MAML3: variants seen among roughly 807,000 people sequenced by gnomAD.
MAML3 encodes the protein mastermind-like protein 3.
MAML3 carries 27 observed loss-of-function variants against 101.9 expected under a neutral mutation model. The ratio of observed to expected loss-of-function variants is 0.27; its 90% confidence interval spans 0.20 to 0.37. The LOEUF is 0.37. Among genes scored for constraint, MAML3 ranks in the 10% least tolerant of loss-of-function variants. The probability of loss-of-function intolerance (pLI) is 1.00; values close to 1 mark genes in which losing one functional copy is unlikely to be tolerated. For synonymous variants in MAML3, 501 were observed against 555.9 expected, an observed-to-expected ratio of 0.90 and a Z score of 1.39; for missense variants, 1,316 against 1,444.9, an observed-to-expected ratio of 0.91 and a Z score of 1.45.
chr4:139,853,925 G>T (rs777921723), intron 2 of MAML3, among the ~76,000 whole-genome samples: 1 of 151,852 alleles, frequency 6.6e-6, no homozygotes. Flanking sequence ...GGGTTCAAGC[G>T]ATTCTCTTGC....
chr4:140,072,068 G>A (rs1331030014), intron 1 of MAML3, among the ~76,000 whole-genome samples: 2 of 152,076 alleles, frequency 1.3e-5, no homozygotes, highest in Non-Finnish European at 2.9e-5. Flanking sequence ...GACACTTCCG[G>A]CTTTCATTCC....
intron 1 of MAML3, among the ~76,000 whole-genome samples, chr4:139,975,470 A>G (rs1326482225): frequency 6.6e-6 from 1 of 151,470 alleles, no homozygotes; most frequent in Non-Finnish European, 1.5e-5. Flanking sequence ...CACCCCATAT[A>G]CCTCCTTATC....
rs574143174 is a variant in MAML3 at position 140,106,965 on chromosome 4, G to T, written c.468+45895C>A. Among the ~76,000 whole-genome samples, 4 of 152,058 alleles carry T rather than the reference G, an allele frequency of 2.6e-5. No individual in the cohort carries two copies. The East Asian group carries it at 7.7e-4, about 29-fold the overall frequency. ...GGCTCACTGCAACCTCTGCCTCCTG[G>T]GTTCAAGCGATTCTCCAGCCTCAGT... On this transcript the variant is annotated intron_variant, in intron 1 of 4. Coordinates refer to ENST00000509479, the MANE Select transcript of MAML3 (RefSeq NM_018717.5).
intron 2 of MAML3, among the ~76,000 whole-genome samples, chr4:139,821,679 G>C (rs547195410): frequency 3.3e-5 from 5 of 152,244 alleles, no homozygotes; most frequent in South Asian, 2.1e-4. Context: ...GCTGGCCTAG[G>C]CTTCCTGGCC....
intron 4 of MAML3, among the ~76,000 whole-genome samples, chr4:139,724,755 C>T (rs930647447): frequency 6.7e-6 from 1 of 150,048 alleles, no homozygotes; most frequent in Non-Finnish European, 1.5e-5. Flanking sequence ...TTCTTCACCC[C>T]ATATAAGACC....
intron 2 of MAML3, among the ~76,000 whole-genome samples, chr4:139,885,122 C>T (rs116269122): frequency 0.017 from 2,622 of 152,248 alleles, 77 homozygotes; most frequent in African/African-American, 0.059. Context: ...ATACTCAGGC[C>T]GGGTGCGGTG....
chr4:140,136,860 A>G (rs897619469), intron 1 of MAML3, among the ~76,000 whole-genome samples: 3 of 152,152 alleles, frequency 2.0e-5, no homozygotes, highest in Non-Finnish European at 4.4e-5. Context: ...GTTAAAGTTA[A>G]AGGGCTATGT....
chr4:140,087,369 AT>A (rs1049736968), intron 1 of MAML3, among the ~76,000 whole-genome samples: 1 of 152,198 alleles, frequency 6.6e-6, no homozygotes, highest in African/African-American at 2.4e-5. Flanking sequence ...ACGAAGCAAT[AT>A]TTGCCTTGAC....
chr4:139,756,983 C>T (rs1384674898), intron 2 of MAML3, among the ~76,000 whole-genome samples: 2 of 152,106 alleles, frequency 1.3e-5, no homozygotes, highest in Admixed American at 6.6e-5. Context: ...CACCGTAGAA[C>T]CAGAAGGAAA....
chr4:139,973,189 G>A (rs1029187614), intron 1 of MAML3, among the ~76,000 whole-genome samples: 1 of 152,182 alleles, frequency 6.6e-6, no homozygotes, highest in Non-Finnish European at 1.5e-5. Context: ...GGTCAACTAA[G>A]TTAAGTGACC....
intron 1 of MAML3, among the ~76,000 whole-genome samples, chr4:139,987,201 C>A (rs780816325): frequency 3.1e-4 from 47 of 152,136 alleles, no homozygotes; most frequent in Non-Finnish European, 5.4e-4. Context: ...TTAAAACAAG[C>A]AATAGTATCC....
chr4:139,758,950 A>G (rs150563227), intron 2 of MAML3, among the ~76,000 whole-genome samples: 1 of 152,238 alleles, frequency 6.6e-6, no homozygotes, highest in Non-Finnish European at 1.5e-5. Context: ...TCTCTTGATG[A>G]GAATCTACAA....
rs375226513 is a variant in MAML3 at position 139,853,971 on chromosome 4, G to A, written c.2079+35386C>T. On this transcript the variant is annotated intron_variant, in intron 2 of 4. Transcript: ENST00000509479. Reference sequence around the variant, plus strand: ...TGAGTAGCTGGGATTACAGGCATGCGCCATCATGCCCAGCTAATTTTTTTG... The same window carrying A: ...TGAGTAGCTGGGATTACAGGCATGCACCATCATGCCCAGCTAATTTTTTTG... Among the ~76,000 whole-genome samples, 21 of 151,988 alleles carry A rather than the reference G, an allele frequency of 1.4e-4. No homozygotes were observed. The South Asian group carries it at 2.7e-3, about 20-fold the overall frequency.
intron 1 of MAML3, among the ~76,000 whole-genome samples, chr4:140,012,932 A>G (rs1726586693): frequency 6.6e-6 from 1 of 152,206 alleles, no homozygotes; most frequent in Non-Finnish European, 1.5e-5. Context: ...AGCACACAAT[A>G]TACCCTGAGC....
chr4:139,810,815 T>A (rs572124369), intron 2 of MAML3, among the ~76,000 whole-genome samples: 10 of 152,332 alleles, frequency 6.6e-5, no homozygotes, highest in Middle Eastern at 6.8e-3. Context: ...TTCTCTTCAG[T>A]AGAATCCTGA....
At chr4:140,046,178 G>T (rs1442166157) in intron 1 of MAML3, among the ~76,000 whole-genome samples, 1 of 152,178 alleles carries the variant, frequency 6.6e-6, no homozygotes, top group African/African-American at 2.4e-5. Flanking sequence ...TGACAAATAA[G>T]TTGTGAGCAG....
At chr4:139,832,264 C>T (rs1373832774) in intron 2 of MAML3, among the ~76,000 whole-genome samples, 1 of 150,352 alleles carries the variant, frequency 6.7e-6, no homozygotes, top group Non-Finnish European at 1.5e-5. Flanking sequence ...GCCACTACGC[C>T]CAGCTATTTT....
chr4:139,746,780 T>C (rs1729337762), intron 2 of MAML3, among the ~76,000 whole-genome samples: 1 of 152,172 alleles, frequency 6.6e-6, no homozygotes. Flanking sequence ...CCACCAAAAG[T>C]AATGTGTCAA....
intron 2 of MAML3, among the ~76,000 whole-genome samples, chr4:139,810,354 C>T (rs1730775634): frequency 6.6e-6 from 1 of 151,878 alleles, no homozygotes; most frequent in African/African-American, 2.4e-5. Context: ...CCACACCCAG[C>T]TAATTTTAAA....
Sources: gnomAD v4.1 joint callset for allele counts (sites outside exome capture counted in the v4.1 genomes callset) on GRCh38, gnomAD v4.1.1 for gene constraint, MANE v1.5 for transcripts, NCBI Gene and HGNC (gene_info 2026-07-23, HGNC 2026-07-21) for gene names.